Variants in HDX observed in about 807,000 individuals in gnomAD.
HDX encodes the protein highly divergent homeobox, also known as chromosome X open reading frame 43.
Under a neutral mutation model 45.2 loss-of-function variants are expected in HDX, and 19 were observed. The observed-to-expected ratio is 0.42, with a 90% CI of 0.29 to 0.62. The LOEUF (loss-of-function observed/expected upper bound fraction) is 0.62. HDX is among the 20% of genes least tolerant of loss of function. The probability of loss-of-function intolerance (pLI) is 0.20; values close to 1 mark genes in which losing one functional copy is unlikely to be tolerated. For synonymous variants in HDX, 188 were observed against 172.8 expected (o/e 1.09, Z -0.69); for missense variants, 532 against 493.9 (o/e 1.08, Z -0.73).
chrX:84,376,847 C>G (rs757017759), intron 5 of HDX, among the ~76,000 whole-genome samples: 2 of 112,235 alleles, frequency 1.8e-5, no homozygotes, highest in African/African-American at 3.2e-5. Context: ...GGAAGGACCC[C>G]GGGTTGGCTT....
At chrX:84,424,865 A>C (rs762300364) in intron 5 of HDX, among the ~76,000 whole-genome samples, 2 of 107,065 alleles carry the variant, frequency 1.9e-5, no homozygotes, top group South Asian at 4.0e-4. Flanking sequence ...CTACTACTAC[A>C]AAAAAAAAAT....
intron 7 of HDX, 37 bp downstream of exon 7, chrX:84,344,213 C>T (rs750285312): frequency 1.9e-6 from 2 of 1,035,760 alleles, no homozygotes; most frequent in Non-Finnish European, 2.7e-6. Context: ...ATCAAATTTA[C>T]AAAGGCTATT....
chrX:84,454,056 T>C (rs954227697), intron 4 of HDX, among the ~76,000 whole-genome samples: 3 of 111,432 alleles, frequency 2.7e-5, no homozygotes, highest in Non-Finnish European at 3.8e-5. Context: ...TGAACCTGAG[T>C]TGTCAGCAGT....
intron 4 of HDX, among the ~76,000 whole-genome samples, chrX:84,454,351 G>T (rs1042294568): frequency 1.8e-5 from 2 of 111,428 alleles, no homozygotes; most frequent in Admixed American, 1.9e-4. Flanking sequence ...CCATTACCTT[G>T]AAGGGAGAGT....
rs148984881 is a variant in HDX at position 84,369,592 on chromosome X, C to A, written c.1306-7980G>T. 8.6e-3 allele frequency among the ~76,000 whole-genome samples: 959 copies of A among 112,042 alleles called. 3 individuals carry two copies. Among genetic ancestry groups the A allele is most frequent in the Middle Eastern group, 0.018 (4 of 217 alleles). On this transcript the variant is annotated intron_variant, in intron 5 of 10. Transcript: ENST00000373177. ...TCACTAACCCTTGCCATTTTCTGAA[C>A]ATGTGTGCGTGTTTTTGCACCTCTG...
intron 5 of HDX, among the ~76,000 whole-genome samples, chrX:84,370,702 T>G (rs1013266743): frequency 8.9e-6 from 1 of 112,246 alleles, no homozygotes; most frequent in African/African-American, 3.2e-5. Context: ...ACAAGCAGTG[T>G]CAATCACAAT....
intron 2 of HDX, among the ~76,000 whole-genome samples, chrX:84,477,230 G>T (rs2040575260): frequency 9.0e-6 from 1 of 111,276 alleles, no homozygotes; most frequent in Non-Finnish European, 1.9e-5. Context: ...GAGGACAATG[G>T]TATACTTCAA....
intron 5 of HDX, among the ~76,000 whole-genome samples, chrX:84,416,138 C>T (rs1388038770): frequency 1.8e-5 from 2 of 112,030 alleles, no homozygotes. Flanking sequence ...ATTACCCTCA[C>T]TTTCTCACAG....
chrX:84,385,039 AT>A (rs1167585733), intron 5 of HDX, among the ~76,000 whole-genome samples: 9 of 107,948 alleles, frequency 8.3e-5, no homozygotes, highest in African/African-American at 1.7e-4. Flanking sequence ...GAAAGTTAGA[AT>A]TTTTTTTTCT....
chrX:84,493,591 T>C (rs1037812809), intron 1 of HDX, among the ~76,000 whole-genome samples: 1 of 112,034 alleles, frequency 8.9e-6, no homozygotes, highest in Non-Finnish European at 1.9e-5. Flanking sequence ...GACTAAATTC[T>C]AAAGAAAGCT....
chrX:84,451,301 G>T (rs1167562661), intron 4 of HDX, among the ~76,000 whole-genome samples: 1 of 110,648 alleles, frequency 9.0e-6, no homozygotes, highest in Non-Finnish European at 1.9e-5. Flanking sequence ...GAGAAAAAAA[G>T]AAGACATAAA....
intron 6 of HDX, among the ~76,000 whole-genome samples, chrX:84,348,331 G>A (rs751179071): frequency 2.9e-4 from 32 of 111,044 alleles, no homozygotes; most frequent in Non-Finnish European, 5.3e-4. Context: ...TTCTTAGAAT[G>A]TTCATGCCTC....
chrX:84,478,657 C>A (rs893081930), intron 2 of HDX, among the ~76,000 whole-genome samples: 4 of 111,396 alleles, frequency 3.6e-5, no homozygotes, highest in Non-Finnish European at 7.5e-5. Flanking sequence ...AATTTGAAAC[C>A]AGCTTGGGCA....
In HDX at chrX:84,319,025, A is replaced by T. The variant is rs753057705; in HGVS notation, c.*2864T>A. On this transcript the variant is annotated 3_prime_UTR_variant, in exon 11 of 11. Transcript: ENST00000373177. ...CTTCCTTTTTTTTTCATATGTACAC[A>T]TTTTGGAAGGTAAGTGCTCTTACAT... 18 of 110,721 alleles carry T rather than the reference A, an allele frequency of 1.6e-4. No individual in the cohort carries two copies. In the East Asian group the frequency reaches 3.7e-3, roughly 23 times the overall value. 9.1% of individuals were successfully genotyped at this position (110,721 alleles called of 1,213,427 possible).
At chrX:84,348,412 A>T (rs954661669) in intron 6 of HDX, among the ~76,000 whole-genome samples, 7 of 111,734 alleles carry the variant, frequency 6.3e-5, no homozygotes, top group African/African-American at 9.7e-5. Context: ...TGTTAATCAT[A>T]GTTCTTCCCA....
At chrX:84,464,036 A>T (rs756693842) in intron 4 of HDX, among the ~76,000 whole-genome samples, 117 of 111,541 alleles carry the variant, frequency 1.0e-3, no homozygotes, top group Non-Finnish European at 1.8e-3. Flanking sequence ...AAGTGGTGTA[A>T]CACAGAAAAG....
chrX:84,365,506 A>G (rs2037728099), intron 5 of HDX, among the ~76,000 whole-genome samples: 1 of 111,792 alleles, frequency 8.9e-6, no homozygotes, highest in Admixed American at 9.6e-5. Context: ...GCTTTGTAGT[A>G]ACAAGAAGGT....
intron 4 of HDX, among the ~76,000 whole-genome samples, chrX:84,447,809 G>A (rs1052687343): frequency 2.5e-4 from 28 of 111,379 alleles, no homozygotes; most frequent in Non-Finnish European, 4.7e-4. Context: ...TCTAGTATCA[G>A]GGCTGCCTCA....
At chrX:84,423,438 T>A (rs774231035) in intron 5 of HDX, among the ~76,000 whole-genome samples, 1 of 102,303 alleles carries the variant, frequency 9.8e-6, no homozygotes, top group African/African-American at 3.6e-5. Context: ...AAACTCATTC[T>A]ATGGGTGAAG....
Sources: gnomAD v4.1 joint callset for allele counts (sites outside exome capture counted in the v4.1 genomes callset) on GRCh38, gnomAD v4.1.1 for gene constraint, MANE v1.5 for transcripts, NCBI Gene and HGNC (gene_info 2026-07-23, HGNC 2026-07-21) for gene names.